DACH2: variants seen among roughly 807,000 people sequenced by gnomAD.
DACH2 encodes the protein dachshund homolog 2.
Under a neutral mutation model 35.8 loss-of-function variants are expected in DACH2, and 17 were observed. The ratio of observed to expected loss-of-function variants is 0.48; its 90% CI spans 0.33 to 0.71. The LOEUF is 0.71. DACH2 is among the 30% of genes least tolerant of loss of function. The pLI, the probability that DACH2 is intolerant of heterozygous loss-of-function variation, is 0.02. For missense variants in DACH2, 469 were observed against 472.7 expected (o/e 0.99, Z 0.07); for synonymous variants, 195 against 177.3 (o/e 1.10, Z -0.79).
At chrX:86,426,552 C>G (rs1464375979) in intron 2 of DACH2, among the ~76,000 whole-genome samples, 1 of 111,811 alleles carries the variant, frequency 8.9e-6, no homozygotes, top group Admixed American at 9.5e-5. Context: ...TAAACTTATA[C>G]AGCGATATAC....
chrX:86,151,614 C>T (rs1456560907), intron 1 of DACH2, among the ~76,000 whole-genome samples: 1 of 110,990 alleles, frequency 9.0e-6, no homozygotes, highest in Non-Finnish European at 1.9e-5. Flanking sequence ...TTTGCTGATT[C>T]GAAGTGCCCT....
intron 2 of DACH2, among the ~76,000 whole-genome samples, chrX:86,403,982 T>G (rs1210368702): frequency 1.0e-5 from 1 of 99,240 alleles, no homozygotes; most frequent in Non-Finnish European, 2.0e-5. Flanking sequence ...GGGGGCAAAG[T>G]TTTTTTTTTT....
At chrX:86,451,418 T>G (rs2037375597) in intron 2 of DACH2, among the ~76,000 whole-genome samples, 1 of 111,478 alleles carries the variant, frequency 9.0e-6, no homozygotes. Flanking sequence ...TTGGTCTATG[T>G]GTCATTTCTT....
At chrX:86,546,542 T>C (rs1242827431) in intron 3 of DACH2, among the ~76,000 whole-genome samples, 1 of 95,487 alleles carries the variant, frequency 1.0e-5, no homozygotes, top group Non-Finnish European at 2.1e-5. Flanking sequence ...TCTTGTTCTG[T>C]CTCCCACTGT....
chrX:86,409,439 G>T (rs1025091546), intron 2 of DACH2, among the ~76,000 whole-genome samples: 1 of 111,370 alleles, frequency 9.0e-6, no homozygotes, highest in Non-Finnish European at 1.9e-5. Flanking sequence ...GATCATGGGG[G>T]TGGATGTCCC....
chrX:86,727,931 A>C (rs1265597317), intron 6 of DACH2, among the ~76,000 whole-genome samples: 1 of 112,385 alleles, frequency 8.9e-6, no homozygotes, highest in Admixed American at 9.4e-5. Flanking sequence ...ATTGTTGTAA[A>C]GATACCTGAA....
chrX:86,261,488 C>T (rs2033624087), intron 1 of DACH2, among the ~76,000 whole-genome samples: 1 of 111,953 alleles, frequency 8.9e-6, no homozygotes, highest in Non-Finnish European at 1.9e-5. Flanking sequence ...CCATTTTCTA[C>T]TGCCTTGTGG....
chrX:86,345,607 G>A (rs957198007), intron 1 of DACH2, among the ~76,000 whole-genome samples: 3 of 112,016 alleles, frequency 2.7e-5, no homozygotes, highest in African/African-American at 9.7e-5. Flanking sequence ...AAGCAATTCA[G>A]TATTATTCAA....
chrX:86,797,365 G>A (rs1433213013), intron 7 of DACH2, among the ~76,000 whole-genome samples: 1 of 110,373 alleles, frequency 9.1e-6, no homozygotes, highest in Admixed American at 9.7e-5. Flanking sequence ...CACTCTTACT[G>A]TCTGCATAAA....
chrX:86,409,515 G>T (rs933866012), intron 2 of DACH2, among the ~76,000 whole-genome samples: 1 of 110,505 alleles, frequency 9.0e-6, no homozygotes, highest in South Asian at 3.9e-4. Flanking sequence ...TGGGAGATCT[G>T]GTCATTTAAA....
chrX:86,516,021 G>A (rs1400669097), intron 3 of DACH2, among the ~76,000 whole-genome samples: 9 of 112,008 alleles, frequency 8.0e-5, no homozygotes, highest in Admixed American at 5.7e-4. Context: ...GATGATTCAC[G>A]TCTAGCTTGG....
At chrX:86,289,904 C>T (rs1453395934) in intron 1 of DACH2, among the ~76,000 whole-genome samples, 7 of 108,417 alleles carry the variant, frequency 6.5e-5, no homozygotes, top group Admixed American at 4.0e-4. Flanking sequence ...GTCTTTATAG[C>T]AGCATGATTT....
At chrX:86,523,980 G>A (rs1030955791) in intron 3 of DACH2, among the ~76,000 whole-genome samples, 1 of 111,814 alleles carries the variant, frequency 8.9e-6, no homozygotes, top group Non-Finnish European at 1.9e-5. Flanking sequence ...CCAGAACAGG[G>A]AGTGGACTAG....
chrX:86,656,879 A>G (rs2040548504), intron 4 of DACH2, among the ~76,000 whole-genome samples: 1 of 99,138 alleles, frequency 1.0e-5, no homozygotes, highest in Admixed American at 1.1e-4. Flanking sequence ...ATATATATAT[A>G]TATATATATA....
At chrX:86,240,462 A>G (rs2033141567) in intron 1 of DACH2, among the ~76,000 whole-genome samples, 1 of 104,435 alleles carries the variant, frequency 9.6e-6, no homozygotes, top group Middle Eastern at 4.9e-3. Flanking sequence ...TATTATTATT[A>G]TTATTATTAT....
At chrX:86,529,219 A>AT (rs1479036841) in intron 3 of DACH2, among the ~76,000 whole-genome samples, 1 of 111,034 alleles carries the variant, frequency 9.0e-6, no homozygotes, top group Admixed American at 9.6e-5. Flanking sequence ...AAATTTTTAA[A>AT]TTTTTTGTAA....
intron 5 of DACH2, among the ~76,000 whole-genome samples, chrX:86,701,242 G>GAGA (rs1023739405): frequency 1.8e-4 from 20 of 111,391 alleles, no homozygotes; most frequent in African/African-American, 6.5e-4. Context: ...ATCATATAAA[G>GAGA]AGAAGTAAAA....
intron 1 of DACH2, among the ~76,000 whole-genome samples, chrX:86,344,223 A>G (rs2035460377): frequency 9.2e-6 from 1 of 109,195 alleles, no homozygotes; most frequent in African/African-American, 3.3e-5. Context: ...AAATAAAATT[A>G]AATAAATAAA....
intron 4 of DACH2, among the ~76,000 whole-genome samples, chrX:86,666,113 T>C (rs185602250): frequency 1.8e-5 from 2 of 111,585 alleles, no homozygotes; most frequent in Admixed American, 1.9e-4. Context: ...ACTTGTAGAA[T>C]GGTCTGAGGT....
Sources: gnomAD v4.1 joint callset for allele counts (sites outside exome capture counted in the v4.1 genomes callset) on GRCh38, gnomAD v4.1.1 for gene constraint, MANE v1.5 for transcripts, NCBI Gene and HGNC (gene_info 2026-07-23, HGNC 2026-07-21) for gene names.